The following GALNT13 variants were observed in gnomAD, a reference collection of about 807,000 sequenced individuals.
GALNT13 encodes the protein UDP-GalNAc:polypeptide N-acetylgalactosaminyltransferase 13.
Under a neutral mutation model 64.2 loss-of-function variants are expected in GALNT13, and 28 were observed. The ratio of observed to expected loss-of-function variants is 0.44; its 90% CI spans 0.32 to 0.60. The LOEUF is 0.60. Ranked by LOEUF, GALNT13 falls within the 20% of genes least tolerant of loss-of-function variation. The pLI is 0.05. For missense variants in GALNT13, 577 were observed against 669.8 expected, an observed-to-expected ratio of 0.86 and a Z score of 1.53; for synonymous variants, 214 against 224.6, an observed-to-expected ratio of 0.95 and a Z score of 0.42.
intron 8 of GALNT13, among the ~76,000 whole-genome samples, chr2:154,284,476 C>CAT (rs1043748957): frequency 4.1e-4 from 61 of 149,246 alleles, no homozygotes; most frequent in African/African-American, 9.1e-4. Context: ...TGCCATTGTG[C>CAT]ATATATATAT....
chr2:153,802,042 A>G, the GALNT13 span, among the ~76,000 whole-genome samples: 2 of 152,176 alleles, frequency 1.3e-5, no homozygotes, highest in East Asian at 1.9e-4. Context: ...TTTATTGGCC[A>G]TTAGTCAGCC....
the GALNT13 span, among the ~76,000 whole-genome samples, chr2:153,528,471 T>C: frequency 6.6e-6 from 1 of 151,996 alleles, no homozygotes; most frequent in Non-Finnish European, 1.5e-5. Flanking sequence ...AATACAGTAA[T>C]ATCTGAAGAC....
intron 12 of GALNT13, among the ~76,000 whole-genome samples, chr2:154,440,988 C>G (rs926000692): frequency 6.6e-6 from 1 of 152,122 alleles, no homozygotes; most frequent in Non-Finnish European, 1.5e-5. Context: ...CCCCTTGCTA[C>G]CCACAGGGTG....
chr2:153,349,089 AC>A, the GALNT13 span, among the ~76,000 whole-genome samples: 1 of 152,180 alleles, frequency 6.6e-6, no homozygotes, highest in Non-Finnish European at 1.5e-5. Context: ...CTTAGATTCC[AC>A]CTAATGGACT....
chr2:153,720,194 G>A, the GALNT13 span, among the ~76,000 whole-genome samples: 1 of 146,202 alleles, frequency 6.8e-6, no homozygotes, highest in Admixed American at 6.7e-5. Flanking sequence ...CCCCCCAGCA[G>A]GGGCACACTG....
rs1192414603 is a variant in GALNT13, at chr2:153,990,316, C to A, written c.142+45677C>A. Among the ~76,000 whole-genome samples the A allele has an allele frequency of 2.0e-5, 3 of 152,150 alleles. No individual in the cohort carries two copies. In the East Asian group the frequency reaches 5.8e-4, roughly 29 times the overall value. ...GTGACAAGTTGTCGCAGAAGACCAA[C>A]AGAGAAGATATATTTGCCAATGGTG... On this transcript the variant is annotated intron_variant, in intron 3 of 12. Coordinates refer to ENST00000392825, the MANE Select transcript of GALNT13 (RefSeq NM_052917.4).
At chr2:153,207,654 A>G in the GALNT13 span, among the ~76,000 whole-genome samples, 537 of 152,306 alleles carry the variant, frequency 3.5e-3, 4 homozygotes, top group African/African-American at 0.012. Context: ...GCCAATTTCA[A>G]AATAATGATT....
chr2:154,363,679 C>T (rs561954463), intron 9 of GALNT13, among the ~76,000 whole-genome samples: 1 of 152,100 alleles, frequency 6.6e-6, no homozygotes, highest in Non-Finnish European at 1.5e-5. Context: ...TTATGTGAAG[C>T]TCTTTTGGAA....
chr2:153,620,053 C>T, the GALNT13 span, among the ~76,000 whole-genome samples: 1 of 152,042 alleles, frequency 6.6e-6, no homozygotes, highest in African/African-American at 2.4e-5. Flanking sequence ...CTGTATCTTT[C>T]TCTATCTCTT....
chr2:153,380,522 AAAT>A, the GALNT13 span, among the ~76,000 whole-genome samples: 1 of 152,022 alleles, frequency 6.6e-6, no homozygotes. Flanking sequence ...GGTTATATGC[AAAT>A]ACTACAGCAT....
At chr2:154,104,790 G>C (rs898042970) in intron 3 of GALNT13, among the ~76,000 whole-genome samples, 3 of 152,156 alleles carry the variant, frequency 2.0e-5, no homozygotes, top group African/African-American at 7.2e-5. Context: ...ATTTAGTGAT[G>C]CAGTAACATA....
At chr2:153,519,881 C>G in the GALNT13 span, among the ~76,000 whole-genome samples, 2 of 152,070 alleles carry the variant, frequency 1.3e-5, no homozygotes, top group Non-Finnish European at 2.9e-5. Flanking sequence ...TCCAGAATAT[C>G]TGGAGTGTTC....
intron 4 of GALNT13, among the ~76,000 whole-genome samples, chr2:154,183,139 C>T (rs1035044837): frequency 1.3e-5 from 2 of 152,140 alleles, no homozygotes; most frequent in Non-Finnish European, 2.9e-5. Context: ...TAGAATTCAT[C>T]AGTTAAGCCA....
chr2:153,378,879 G>A, the GALNT13 span, among the ~76,000 whole-genome samples: 1 of 152,150 alleles, frequency 6.6e-6, no homozygotes, highest in Non-Finnish European at 1.5e-5. Flanking sequence ...GAAATGTCCA[G>A]AGTGTTGGCA....
chr2:154,379,603 T>G (rs568688763), intron 9 of GALNT13, among the ~76,000 whole-genome samples: 1 of 152,196 alleles, frequency 6.6e-6, no homozygotes, highest in South Asian at 2.1e-4. Context: ...AAAAACATAC[T>G]GATGTTTTAA....
intron 3 of GALNT13, among the ~76,000 whole-genome samples, chr2:153,966,968 A>G (rs765353470): frequency 6.6e-6 from 1 of 151,698 alleles, no homozygotes; most frequent in East Asian, 2.0e-4. Context: ...TCTATCTTCA[A>G]GTTTACTAAT....
the GALNT13 span, among the ~76,000 whole-genome samples, chr2:153,806,348 T>C: frequency 3.9e-5 from 6 of 152,096 alleles, no homozygotes; most frequent in African/African-American, 1.4e-4. Flanking sequence ...AATCCATTAC[T>C]ATACTATATT....
At chr2:153,943,808 TATTA>T (rs1156595318) in intron 2 of GALNT13, among the ~76,000 whole-genome samples, 1 of 152,232 alleles carries the variant, frequency 6.6e-6, no homozygotes, top group Non-Finnish European at 1.5e-5. Flanking sequence ...TTTTATGTTT[TATTA>T]ATTATCTGTT....
chr2:153,257,195 G>T, the GALNT13 span, among the ~76,000 whole-genome samples: 3 of 152,188 alleles, frequency 2.0e-5, no homozygotes, highest in African/African-American at 2.4e-5. Flanking sequence ...GCAGTATTCG[G>T]GTGGGAGTGA....
Sources: allele counts gnomAD v4.1 joint callset (sites outside exome capture counted in the v4.1 genomes callset), GRCh38; gene constraint gnomAD v4.1.1; transcripts MANE v1.5; gene names NCBI Gene and HGNC (gene_info 2026-07-23, HGNC 2026-07-21).